CLSTN2: variants seen among roughly 807,000 people sequenced by gnomAD.
CLSTN2 encodes the protein calsyntenin 2, also known as calsyntenin-2.
A neutral mutation model predicts 101.2 loss-of-function variants in CLSTN2; 48 were observed. The ratio of observed to expected loss-of-function variants is 0.47; its 90% confidence interval spans 0.38 to 0.60. The LOEUF (loss-of-function observed/expected upper bound fraction) is 0.60. Ranked by LOEUF, CLSTN2 falls within the 20% of genes least tolerant of loss-of-function variation. CLSTN2 has a pLI of 0.00. For synonymous variants in CLSTN2, 481 were observed against 463.6 expected (o/e 1.04, Z -0.48); for missense variants, 1,160 against 1,238.2 (o/e 0.94, Z 0.95).
chr3:140,499,084 C>T lies in CLSTN2; in HGVS notation c.1344+32353C>T, dbSNP rs756393463. Among the ~76,000 whole-genome samples, 15 of 152,190 alleles carry T rather than the reference C, an allele frequency of 9.9e-5. 1 individual carries two copies. Among genetic ancestry groups the T allele is most frequent in the East Asian group, 5.8e-4 (3 of 5,182 alleles). ...TGGTTTGCCTTGTTTAATCTTCACACGACTCAACTATTACCAGCTGTGGCT... is the reference window on the plus strand; with the variant it reads ...TGGTTTGCCTTGTTTAATCTTCACATGACTCAACTATTACCAGCTGTGGCT... On this transcript the variant is annotated intron_variant, in intron 8 of 16. Coordinates refer to ENST00000458420, the MANE Select transcript of CLSTN2 (RefSeq NM_022131.3).
intron 1 of CLSTN2, among the ~76,000 whole-genome samples, chr3:140,128,548 C>T (rs2009472021): frequency 6.6e-6 from 1 of 152,108 alleles, no homozygotes; most frequent in South Asian, 2.1e-4. Context: ...AGTGATCACC[C>T]CTAGGCCTAA....
intron 1 of CLSTN2, among the ~76,000 whole-genome samples, chr3:140,151,542 C>T (rs2009865548): frequency 6.6e-6 from 1 of 152,036 alleles, no homozygotes; most frequent in Non-Finnish European, 1.5e-5. Context: ...AGGGTGTAAT[C>T]AGGGAGGTGG....
At chr3:139,993,434 C>T (rs534723163) in intron 1 of CLSTN2, among the ~76,000 whole-genome samples, 1 of 152,262 alleles carries the variant, frequency 6.6e-6, no homozygotes, top group East Asian at 1.9e-4. Flanking sequence ...ACTGCTTCCT[C>T]CCTGGAGTCT....
chr3:140,219,910 T>G (rs2107852042), intron 2 of CLSTN2, among the ~76,000 whole-genome samples: 1 of 152,334 alleles, frequency 6.6e-6, no homozygotes, highest in Non-Finnish European at 1.5e-5. Context: ...CTGTACTGTT[T>G]GAAGAGCTTT....
intron 2 of CLSTN2, among the ~76,000 whole-genome samples, chr3:140,232,526 G>T (rs1490550562): frequency 6.6e-6 from 1 of 151,990 alleles, no homozygotes; most frequent in Non-Finnish European, 1.5e-5. Context: ...CCACGACTTT[G>T]ATCACAGTTC....
At chr3:140,299,801 A>C (rs554718463) in intron 2 of CLSTN2, among the ~76,000 whole-genome samples, 1 of 152,162 alleles carries the variant, frequency 6.6e-6, no homozygotes, top group Non-Finnish European at 1.5e-5. Context: ...CACACTAGCA[A>C]GTTTCTTTCT....
chr3:140,423,158 A>AGG (rs2088524306), intron 5 of CLSTN2, among the ~76,000 whole-genome samples: 1 of 152,238 alleles, frequency 6.6e-6, no homozygotes, highest in African/African-American at 2.4e-5. Context: ...TTTTATTCCT[A>AGG]AATTTAAATA....
At chr3:140,278,192 G>T (rs571847459) in intron 2 of CLSTN2, among the ~76,000 whole-genome samples, 4 of 152,162 alleles carry the variant, frequency 2.6e-5, no homozygotes, top group Non-Finnish European at 4.4e-5. Context: ...AGTCATAGTT[G>T]CCTGGACAAT....
At chr3:140,078,513 A>G (rs1276232219) in intron 1 of CLSTN2, among the ~76,000 whole-genome samples, 1 of 152,204 alleles carries the variant, frequency 6.6e-6, no homozygotes, top group Non-Finnish European at 1.5e-5. Flanking sequence ...GCTCCATGTA[A>G]TGAGTGTATG....
At position 140,526,643 on chromosome 3, in the gene CLSTN2, C is replaced by CAACAACA. The variant is rs57982149; in HGVS notation, c.1345-5679_1345-5678insCAACAAA. ...AATACTGAGCAAACAACAACAACAA[C>CAACAACA]AAAAAAAAAACTGGAGGCATCACAT... On this transcript the variant is annotated intron_variant, in intron 8 of 16. Transcript: ENST00000458420. 7.0e-3 allele frequency among the ~76,000 whole-genome samples: 929 copies of CAACAACA among 131,966 alleles called. 13 individuals carry two copies. The highest frequency in any genetic ancestry group is 0.064 in the East Asian group (297 of 4,636). 86.6% of individuals were successfully genotyped at this position (131,966 alleles called of 152,430 possible).
intron 1 of CLSTN2, among the ~76,000 whole-genome samples, chr3:140,111,063 G>A (rs549692164): frequency 6.6e-6 from 1 of 152,298 alleles, no homozygotes; most frequent in South Asian, 2.1e-4. Flanking sequence ...AAGGTTTAAT[G>A]TGTATCACTC....
chr3:140,198,024 G>C (rs1015478159), intron 2 of CLSTN2, among the ~76,000 whole-genome samples: 14 of 152,162 alleles, frequency 9.2e-5, no homozygotes, highest in African/African-American at 3.4e-4. Flanking sequence ...GGTCTTGAAA[G>C]TCCTCATGAA....
chr3:140,210,124 C>A (rs1412703119), intron 2 of CLSTN2, among the ~76,000 whole-genome samples: 1 of 152,172 alleles, frequency 6.6e-6, no homozygotes, highest in Non-Finnish European at 1.5e-5. Context: ...TGCATCATGT[C>A]ATCTGTGTGA....
In CLSTN2 at chr3:140,180,434, T is replaced by A. The variant is rs539127527; in HGVS notation, c.232+4361T>A. Among the ~76,000 whole-genome samples the A allele has an allele frequency of 1.7e-4, 26 of 152,304 alleles. No homozygotes were observed. In the East Asian group the frequency reaches 4.6e-3, roughly 27 times the overall value. ...AGACTTGTCTCAATTCTTAACCCAG[T>A]GTCTGAGCTCTGTAGATTTGACCTT... On this transcript the variant is annotated intron_variant, in intron 2 of 16. Coordinates refer to ENST00000458420, the MANE Select transcript of CLSTN2 (RefSeq NM_022131.3).
At chr3:140,211,415 C>T (rs897851232) in intron 2 of CLSTN2, among the ~76,000 whole-genome samples, 2 of 148,520 alleles carry the variant, frequency 1.3e-5, no homozygotes, top group African/African-American at 5.0e-5. Flanking sequence ...CACACACACA[C>T]ACACACACAC....
At chr3:139,974,431 G>A (rs1935774808) in intron 1 of CLSTN2, among the ~76,000 whole-genome samples, 1 of 152,290 alleles carries the variant, frequency 6.6e-6, no homozygotes, top group African/African-American at 2.4e-5. Context: ...TGCTCCAGGG[G>A]AGTGATATAC....
chr3:140,159,134 G>A (rs368471091), intron 1 of CLSTN2, among the ~76,000 whole-genome samples: 8 of 152,084 alleles, frequency 5.3e-5, no homozygotes, highest in African/African-American at 1.9e-4. Context: ...AGAATTTTTG[G>A]CTAAGTTCCC....
intron 5 of CLSTN2, among the ~76,000 whole-genome samples, chr3:140,424,590 C>T (rs1161505652): frequency 6.6e-6 from 1 of 152,238 alleles, no homozygotes; most frequent in Non-Finnish European, 1.5e-5. Flanking sequence ...GCCCCTTCTC[C>T]CAGCTGTGTA....
chr3:140,395,026 T>C (rs2088164941), intron 2 of CLSTN2, among the ~76,000 whole-genome samples: 1 of 152,126 alleles, frequency 6.6e-6, no homozygotes, highest in African/African-American at 2.4e-5. Flanking sequence ...ATAAATAAGT[T>C]TTTACGTCAT....
Sources: gnomAD v4.1 joint callset for allele counts (sites outside exome capture counted in the v4.1 genomes callset) on GRCh38, gnomAD v4.1.1 for gene constraint, MANE v1.5 for transcripts, NCBI Gene and HGNC (gene_info 2026-07-23, HGNC 2026-07-21) for gene names.